NTN1: variants seen among roughly 807,000 people sequenced by gnomAD.
The protein encoded by NTN1 is netrin-1.
A neutral mutation model predicts 54.2 loss-of-function variants in NTN1; 11 were observed. That is an observed-to-expected ratio of 0.20 (90% CI 0.13 to 0.34). The LOEUF is 0.34. NTN1 is among the 10% of genes least tolerant of loss of function. NTN1 has a pLI of 1.00. For synonymous variants in NTN1, 371 were observed against 382.0 expected (o/e 0.97, Z 0.33); for missense variants, 740 against 893.1 (o/e 0.83, Z 2.18).
At chr17:9,182,020 C>T (rs549130141) in intron 4 of NTN1, among the ~76,000 whole-genome samples, 1 of 152,280 alleles carries the variant, frequency 6.6e-6, no homozygotes, top group South Asian at 2.1e-4. Flanking sequence ...CTCTGTTGCC[C>T]AGGCTGGAGT....
At chr17:9,050,529 G>A (rs1432417869) in intron 2 of NTN1, among the ~76,000 whole-genome samples, 1 of 151,794 alleles carries the variant, frequency 6.6e-6, no homozygotes, top group Non-Finnish European at 1.5e-5. Flanking sequence ...AATTAGCCAG[G>A]CATGGCGGTG....
rs552178848 is a variant in NTN1 at position 9,103,434 on chromosome 17, C to T, written c.1019-59379C>T. Reference sequence around the variant, plus strand: ...ATTGAATCATGGGGGAGTTTGCCTCCGTGCTGTTCTCATGATAGTGAGTGA... The same window carrying T: ...ATTGAATCATGGGGGAGTTTGCCTCTGTGCTGTTCTCATGATAGTGAGTGA... On this transcript the variant is annotated intron_variant, in intron 2 of 6. Transcript: ENST00000173229. Among the ~76,000 whole-genome samples the T allele has an allele frequency of 8.5e-5, 13 of 152,170 alleles. 1 individual carries two copies. In the South Asian group the frequency reaches 2.1e-3, roughly 24 times the overall value.
chr17:9,022,230 C>A, intron 1 of NTN1, 81 bp from the exon 2 acceptor site: 1 of 941,780 alleles, frequency 1.1e-6, no homozygotes, highest in South Asian at 5.2e-5. Context: ...CGGGCGTTCT[C>A]CCGCATCTCC....
intron 3 of NTN1, among the ~76,000 whole-genome samples, chr17:9,163,460 C>G (rs2092364193): frequency 7.3e-6 from 1 of 136,676 alleles, no homozygotes; most frequent in Non-Finnish European, 1.6e-5. Context: ...TGCGCACCGC[C>G]CCTCACTCCC....
At chr17:9,039,840 TG>T (rs1016208178) in intron 2 of NTN1, among the ~76,000 whole-genome samples, 3 of 152,288 alleles carry the variant, frequency 2.0e-5, no homozygotes, top group South Asian at 4.1e-4. Flanking sequence ...TTTTTATTTC[TG>T]GGGGGGTATT....
At chr17:9,196,026 A>G (rs911656442) in intron 5 of NTN1, among the ~76,000 whole-genome samples, 13 of 151,980 alleles carry the variant, frequency 8.6e-5, no homozygotes, top group African/African-American at 3.1e-4. Flanking sequence ...GGGCTAAAGG[A>G]TACATTTGGC....
intron 2 of NTN1, among the ~76,000 whole-genome samples, chr17:9,033,925 AAAAAAAAAAG>A (rs2151510700): frequency 6.6e-6 from 1 of 151,118 alleles, no homozygotes; most frequent in African/African-American, 2.5e-5. Context: ...CTCAAAAAAA[AAAAAAAAAAG>A]AAAAAGAAAA....
chr17:9,020,937 G>A (rs2091844058), upstream of NTN1, among the ~76,000 whole-genome samples: 3 of 152,034 alleles, frequency 2.0e-5, no homozygotes, highest in African/African-American at 7.2e-5. Context: ...GGACCCCGGG[G>A]GCTTCGGGCA....
the NTN1 span, among the ~76,000 whole-genome samples, chr17:9,012,160 G>A: frequency 1.3e-5 from 2 of 152,032 alleles, no homozygotes; most frequent in African/African-American, 4.8e-5. Context: ...GGCCCTGCTT[G>A]GTCTAGCTCT....
At chr17:9,169,412 G>A (rs1246645461) in intron 3 of NTN1, among the ~76,000 whole-genome samples, 2 of 152,244 alleles carry the variant, frequency 1.3e-5, no homozygotes, top group African/African-American at 2.4e-5. Context: ...CCCTGATCTT[G>A]TGACTCGACC....
Position 9,188,058 on chromosome 17 carries a change from C to T in NTN1, c.1411+5089C>T, listed in dbSNP as rs111235990. 8.5e-5 allele frequency among the ~76,000 whole-genome samples: 13 copies of T among 152,274 alleles called. 1 individual carries two copies. The highest frequency in any genetic ancestry group is 2.6e-4 in the Admixed American group (4 of 15,294). ...GGTTTTCCTTTTTGGGTGATGAAAA[C>T]GTCCTGGAACTTGATAGTGGTGATG... is the stretch of plus-strand genomic sequence containing the variant. On this transcript the variant is annotated intron_variant, in intron 5 of 6. Coordinates refer to ENST00000173229, the MANE Select transcript of NTN1 (RefSeq NM_004822.3).
chr17:9,126,548 T>C (rs1301374921), intron 2 of NTN1, among the ~76,000 whole-genome samples: 1 of 152,048 alleles, frequency 6.6e-6, no homozygotes, highest in African/African-American at 2.4e-5. Context: ...ATAAAGGGTA[T>C]GGTAAGTTCT....
chr17:9,234,781 G>T (rs936393626), intron 6 of NTN1, among the ~76,000 whole-genome samples: 4 of 152,210 alleles, frequency 2.6e-5, no homozygotes, highest in Non-Finnish European at 2.9e-5. Context: ...ACCAGAAGCA[G>T]CAGCAGGCGG....
At chr17:9,120,209 C>CGGGAGGCAG (rs2092227847) in intron 2 of NTN1, among the ~76,000 whole-genome samples, 2 of 149,006 alleles carry the variant, frequency 1.3e-5, no homozygotes, top group African/African-American at 5.0e-5. Context: ...GGCATGAACC[C>CGGGAGGCAG]GGGAGGCAGA....
chr17:9,219,643 G>T lies in NTN1; in HGVS notation c.1412-1525G>T, dbSNP rs552142464. The stretch of plus-strand genomic sequence containing the variant: ...CAGGCCAGAGGCCAGCCCTGGAGAG[G>T]TCTCCCTGAACACTCCCTGCAGATC... On this transcript the variant is annotated intron_variant, in intron 5 of 6. Coordinates refer to ENST00000173229, the MANE Select transcript of NTN1 (RefSeq NM_004822.3). This position sits in a 1 kb window ranked among gnomAD's most constrained non-coding sequence, Gnocchi z 4.5. Among the ~76,000 whole-genome samples the T allele has an allele frequency of 6.6e-6, 1 of 152,356 alleles. No homozygotes were observed. Among genetic ancestry groups the T allele is most frequent in the South Asian group, 2.1e-4 (1 of 4,830 alleles).
intron 2 of NTN1, among the ~76,000 whole-genome samples, chr17:9,114,480 AC>A (rs1465356442): frequency 2.0e-5 from 3 of 149,780 alleles, no homozygotes; most frequent in African/African-American, 7.3e-5. Flanking sequence ...GAGGCCGGGC[AC>A]TGTGGCTCAC....
chr17:9,040,859 G>A (rs1204999224), intron 2 of NTN1, among the ~76,000 whole-genome samples: 3 of 151,962 alleles, frequency 2.0e-5, no homozygotes, highest in African/African-American at 7.3e-5. Flanking sequence ...CCAGGCTGGA[G>A]TGCAGTAGCA....
At chr17:9,232,610 G>A (rs1003525182) in intron 6 of NTN1, among the ~76,000 whole-genome samples, 2 of 152,176 alleles carry the variant, frequency 1.3e-5, no homozygotes, top group Non-Finnish European at 2.9e-5. Flanking sequence ...GCAGGGCCCC[G>A]GTGGCAGGCA....
At chr17:9,187,839 AAAG>A (rs1326567756) in intron 5 of NTN1, among the ~76,000 whole-genome samples, 5 of 152,126 alleles carry the variant, frequency 3.3e-5, no homozygotes, top group African/African-American at 1.2e-4. Context: ...TCAAAAAAAA[AAAG>A]AAATGAAGTT....
Sources: allele counts gnomAD v4.1 joint callset (sites outside exome capture counted in the v4.1 genomes callset), GRCh38; gene constraint gnomAD v4.1.1; non-coding constraint Gnocchi (gnomAD v3.1); transcripts MANE v1.5; gene names NCBI Gene and HGNC (gene_info 2026-07-23, HGNC 2026-07-21).